ZNF438: variants seen among roughly 807,000 people sequenced by gnomAD.
ZNF438 encodes the protein zinc finger protein 438.
ZNF438 carries 25 observed loss-of-function variants against 38.0 expected under a neutral mutation model. That is an observed-to-expected ratio of 0.66 (90% CI 0.48 to 0.92). The LOEUF is 0.92. Ranked by LOEUF, ZNF438 falls within the 40% of genes least tolerant of loss-of-function variation. The pLI is 0.00. For synonymous variants in ZNF438, 372 were observed against 364.1 expected (o/e 1.02, Z -0.25); for missense variants, 1,007 against 999.6 (o/e 1.01, Z -0.10).
intron 1 of ZNF438, among the ~76,000 whole-genome samples, chr10:30,952,605 A>C (rs1312561443): frequency 8.8e-5 from 12 of 135,848 alleles, no homozygotes; most frequent in African/African-American, 3.3e-4. Flanking sequence ...ATGAACAGAC[A>C]CTTCTCAAAA....
chr10:30,858,372 C>G (rs1269689348), intron 4 of ZNF438, among the ~76,000 whole-genome samples: 2 of 152,130 alleles, frequency 1.3e-5, no homozygotes, highest in African/African-American at 2.4e-5. Context: ...TGGTAAAACC[C>G]TGGAGAGGTC....
At chr10:30,868,376 G>C (rs568103128) in intron 4 of ZNF438, among the ~76,000 whole-genome samples, 1 of 151,958 alleles carries the variant, frequency 6.6e-6, no homozygotes, top group Non-Finnish European at 1.5e-5. Flanking sequence ...CGGCCTGAAG[G>C]ATTTTTTTAA....
chr10:30,910,683 CAAA>C (rs11375197), intron 2 of ZNF438, among the ~76,000 whole-genome samples: 1 of 89,768 alleles, frequency 1.1e-5, no homozygotes, highest in Non-Finnish European at 2.1e-5. Context: ...GTATATTGGC[CAAA>C]AAAAAAAAAA....
chr10:30,964,146 T>C (rs1019511409), intron 1 of ZNF438, among the ~76,000 whole-genome samples: 2 of 152,164 alleles, frequency 1.3e-5, no homozygotes, highest in Non-Finnish European at 2.9e-5. Context: ...CACCACACAC[T>C]TCAAGCATTC....
intron 4 of ZNF438, among the ~76,000 whole-genome samples, chr10:30,856,410 C>T (rs1041018431): frequency 6.6e-6 from 1 of 152,120 alleles, no homozygotes; most frequent in Non-Finnish European, 1.5e-5. Flanking sequence ...GTAGTCTGAA[C>T]AACAGGAGTC....
chr10:30,847,985 G>A (rs553217438), intron 5 of ZNF438, among the ~76,000 whole-genome samples: 5 of 152,312 alleles, frequency 3.3e-5, no homozygotes, highest in African/African-American at 1.2e-4. Context: ...CAAAACTCAG[G>A]CCAAGGCGCC....
chr10:30,872,654 G>A (rs1259288379), intron 4 of ZNF438, among the ~76,000 whole-genome samples: 1 of 147,558 alleles, frequency 6.8e-6, no homozygotes. Context: ...GGAGGCTGAG[G>A]CAGGAGAATG....
At chr10:30,874,664 C>T (rs984567787) in intron 4 of ZNF438, among the ~76,000 whole-genome samples, 12 of 151,840 alleles carry the variant, frequency 7.9e-5, no homozygotes, top group African/African-American at 2.9e-4. Context: ...ATAATTTCTG[C>T]TCACTTTGGT....
chr10:30,997,078 C>A (rs2054128157), intron 1 of ZNF438, among the ~76,000 whole-genome samples: 1 of 151,856 alleles, frequency 6.6e-6, no homozygotes, highest in African/African-American at 2.4e-5. Context: ...GCTATAAATG[C>A]CTATATTAAA....
rs566401687 is a variant in ZNF438, at chr10:30,872,425, C to CAAAAAAAAAAAAAAAA, written c.37+4557_37+4572dup. The stretch of plus-strand genomic sequence containing the variant: ...TGGGTGACAGAACAAGACTCTGTCT[C>CAAAAAAAAAAAAAAAA]AAAAAAAAAAAAAAAAAAAAAAAAA... On this transcript the variant is annotated intron_variant, in intron 4 of 5. Transcript: ENST00000413025. 8.5e-5 allele frequency among the ~76,000 whole-genome samples: 5 copies of CAAAAAAAAAAAAAAAA among 58,694 alleles called. 1 individual carries two copies. The highest frequency in any genetic ancestry group is 6.9e-4 in the Admixed American group (3 of 4,340). The allele number at this position is 58,694 out of a possible 152,430, so 38.5% of individuals were successfully genotyped here.
chr10:30,908,590 G>T (rs1311565038), intron 3 of ZNF438, among the ~76,000 whole-genome samples: 1 of 152,136 alleles, frequency 6.6e-6, no homozygotes, highest in Admixed American at 6.5e-5. Context: ...GAATGCAGCT[G>T]TCCTATCTTT....
chr10:30,890,083 C>CAAAAAAA (rs71863439), intron 3 of ZNF438, among the ~76,000 whole-genome samples: 1 of 93,382 alleles, frequency 1.1e-5, no homozygotes, highest in Non-Finnish European at 2.3e-5. Context: ...TTGGCATTTC[C>CAAAAAAA]AAAAAAAAAA....
chr10:31,030,295 G>GATGC (rs1312815816), intron 1 of ZNF438, among the ~76,000 whole-genome samples: 2 of 152,050 alleles, frequency 1.3e-5, no homozygotes, highest in African/African-American at 4.8e-5. Context: ...CTGCACTTAT[G>GATGC]ACTACCTGAA....
At chr10:30,874,103 G>GGT (rs754046244) in intron 4 of ZNF438, among the ~76,000 whole-genome samples, 514 of 16,676 alleles carry the variant, frequency 0.031, 17 homozygotes, top group South Asian at 0.043. Context: ...GGTGTGTGGG[G>GGT]GTGTGTGTGT....
At chr10:30,849,012 C>T in exon 5 of ZNF438, 1 of 1,614,136 alleles carries the variant, frequency 6.2e-7, no homozygotes, top group Non-Finnish European at 8.5e-7. Context: ...ACATCCTGTC[C>T]TAGGCCCCCA....
chr10:30,878,062 G>A (rs1032555109), intron 3 of ZNF438, among the ~76,000 whole-genome samples: 3 of 152,166 alleles, frequency 2.0e-5, no homozygotes, highest in African/African-American at 4.8e-5. Context: ...GATGGAAGCA[G>A]GAGGCAGAGA....
intron 1 of ZNF438, among the ~76,000 whole-genome samples, chr10:30,981,534 G>C (rs979785203): frequency 2.0e-5 from 3 of 152,092 alleles, no homozygotes; most frequent in Admixed American, 2.0e-4. Flanking sequence ...CTATCTCATA[G>C]GTAATTATGA....
intron 3 of ZNF438, among the ~76,000 whole-genome samples, chr10:30,884,257 A>C (rs1383806115): frequency 6.6e-6 from 1 of 152,146 alleles, no homozygotes; most frequent in Non-Finnish European, 1.5e-5. Context: ...TAATTCTATT[A>C]TAATTATTAA....
intron 1 of ZNF438, among the ~76,000 whole-genome samples, chr10:30,993,946 T>C (rs758082054): frequency 3.3e-5 from 5 of 152,228 alleles, no homozygotes; most frequent in Non-Finnish European, 7.4e-5. Context: ...GTTTTCCTTG[T>C]TGGGTTTTCG....
Sources: gnomAD v4.1 joint callset for allele counts (sites outside exome capture counted in the v4.1 genomes callset) on GRCh38, gnomAD v4.1.1 for gene constraint, MANE v1.5 for transcripts, NCBI Gene and HGNC (gene_info 2026-07-23, HGNC 2026-07-21) for gene names.